The following CDH23 variants were observed in gnomAD, a reference collection of about 807,000 sequenced individuals.
CDH23 encodes cadherin-23.
In CDH23, 189 loss-of-function variants were observed where a neutral mutation model predicts 317.1. That is an observed-to-expected ratio of 0.60 (90% CI 0.53 to 0.67). The LOEUF (loss-of-function observed/expected upper bound fraction) is 0.67, where lower values mean the gene tolerates loss of function less well. Among genes scored for constraint, CDH23 ranks in the 30% least tolerant of loss-of-function variants. The pLI is 0.00. For synonymous variants in CDH23, 1,839 were observed against 1,876.8 expected (o/e 0.98, Z 0.52); for missense variants, 4,401 against 4,592.4 (o/e 0.96, Z 1.20).
intron 20 of CDH23, 74 bp downstream of exon 20, chr10:71,690,658 A>T (rs985950804): frequency 1.7e-5 from 18 of 1,035,628 alleles, no homozygotes; most frequent in Non-Finnish European, 2.7e-5. Context: ...CCCCAGGACC[A>T]GCCTCTGGGC....
chr10:71,460,628 A>G (rs1024631209), intron 3 of CDH23, among the ~76,000 whole-genome samples: 6 of 152,224 alleles, frequency 3.9e-5, no homozygotes, highest in African/African-American at 1.2e-4. Flanking sequence ...TTTGTCTCCC[A>G]CACTCTGGAG....
At chr10:71,653,832 A>G (rs1863292427) in intron 14 of CDH23, among the ~76,000 whole-genome samples, 1 of 152,210 alleles carries the variant, frequency 6.6e-6, no homozygotes, top group African/African-American at 2.4e-5. Context: ...CCCACAATGA[A>G]GAGAGACGGG....
chr10:71,774,546 C>G (rs796616651), intron 38 of CDH23, among the ~76,000 whole-genome samples: 8 of 152,354 alleles, frequency 5.3e-5, no homozygotes, highest in African/African-American at 1.9e-4. Context: ...ACAAACCTCT[C>G]TCTGATGTTT....
chr10:71,575,910 A>T (rs1342053497), intron 8 of CDH23, among the ~76,000 whole-genome samples: 5 of 152,232 alleles, frequency 3.3e-5, no homozygotes, highest in Admixed American at 1.3e-4. Flanking sequence ...TCAGGGTTTT[A>T]TTAAAAGTGG....
At position 71,646,607 on chromosome 10, in the gene CDH23, T is replaced by C. The variant is rs767928788; in HGVS notation, c.1439T>C (p.Leu480Pro). The C allele has an allele frequency of 5.6e-6, 9 of 1,613,882 alleles. No individual in the cohort carries two copies. Among genetic ancestry groups the C allele is most frequent in the Admixed American group, 3.3e-5 (2 of 60,006 alleles). ...YENVTVGTSV[L>P]TVLATDNDAG... ...AACGTCACCGTGGGGACCTCTGTGC[T>C]GACAGTCCTGGTGAGTCCCCGCTTC... The change falls in exon 14 of 70, where the codon CTG (leucine) becomes CCG (proline). Residue 480 changes from leucine (L) to proline (P), a missense_variant. Transcript: ENST00000224721.
chr10:71,786,440 C>T (rs1841107426), intron 44 of CDH23, among the ~76,000 whole-genome samples: 1 of 151,228 alleles, frequency 6.6e-6, no homozygotes, highest in Non-Finnish European at 1.5e-5. Flanking sequence ...GCTGGAGAAA[C>T]TCATAAGCTA....
At chr10:71,553,426 C>A (rs1564649077) in intron 6 of CDH23, among the ~76,000 whole-genome samples, 1 of 152,234 alleles carries the variant, frequency 6.6e-6, no homozygotes, top group Non-Finnish European at 1.5e-5. Context: ...TCACATCACA[C>A]CGCCTGAAGG....
At chr10:71,781,476 G>A (rs1840952240) in intron 41 of CDH23, among the ~76,000 whole-genome samples, 1 of 152,208 alleles carries the variant, frequency 6.6e-6, no homozygotes, top group Admixed American at 6.5e-5. Flanking sequence ...ACCTGGTGGA[G>A]AGGCAGGTGC....
At chr10:71,789,338 C>A (rs1841183589) in intron 45 of CDH23, among the ~76,000 whole-genome samples, 1 of 152,172 alleles carries the variant, frequency 6.6e-6, no homozygotes, top group Non-Finnish European at 1.5e-5. Flanking sequence ...TGAGGACTAC[C>A]CCGGAGGGGA....
intron 11 of CDH23, among the ~76,000 whole-genome samples, chr10:71,634,371 C>T (rs572875515): frequency 6.6e-6 from 1 of 152,362 alleles, no homozygotes; most frequent in East Asian, 1.9e-4. Context: ...ACTTACACCC[C>T]ACTTTAGCCC....
At chr10:71,683,663 G>A (rs1347791947) in intron 18 of CDH23, among the ~76,000 whole-genome samples, 1 of 152,190 alleles carries the variant, frequency 6.6e-6, no homozygotes, top group Non-Finnish European at 1.5e-5. Flanking sequence ...CCAGGAGGAT[G>A]AGGCTATACA....
At chr10:71,464,764 T>C (rs933732653) in intron 3 of CDH23, among the ~76,000 whole-genome samples, 1 of 152,188 alleles carries the variant, frequency 6.6e-6, no homozygotes, top group Non-Finnish European at 1.5e-5. Flanking sequence ...CTCTTACTGG[T>C]GGAAGCTAGA....
Position 71,725,167 on chromosome 10 carries a change from A to C in CDH23, c.3431-205A>C, listed in dbSNP as rs12240855. ...TGCAGGCCTTCCCGGAGCAGGTGAA[A>C]CGCATTGGGGATGGCCTGTCTGCCT... is the stretch of plus-strand genomic sequence containing the variant. On this transcript the variant is annotated intron_variant, in intron 29 of 69. Coordinates refer to ENST00000224721, the MANE Select transcript of CDH23 (RefSeq NM_022124.6). Among the ~76,000 whole-genome samples the C allele has an allele frequency of 0.13, 19,495 of 152,168 alleles. 2,409 individuals are homozygous for C. The highest frequency in any genetic ancestry group is 0.3 in the East Asian group (1,536 of 5,156).
intron 1 of CDH23, among the ~76,000 whole-genome samples, chr10:71,407,672 C>G (rs963085729): frequency 1.3e-5 from 2 of 152,340 alleles, no homozygotes; most frequent in South Asian, 4.1e-4. Flanking sequence ...TAGTCCTAAG[C>G]TGACCTTAGC....
At chr10:71,812,459 C>CAA in intron 66 of CDH23, 21 bp from the exon 67 acceptor site, 1 of 1,612,362 alleles carries the variant, frequency 6.2e-7, no homozygotes, top group Non-Finnish European at 8.5e-7. Flanking sequence ...CCTCCCCACC[C>CAA]TTTTCCCTCC....
chr10:71,578,643 G>A (rs187084663), intron 9 of CDH23, among the ~76,000 whole-genome samples: 1 of 152,150 alleles, frequency 6.6e-6, no homozygotes, highest in Admixed American at 6.5e-5. Context: ...CTGTCCCAGG[G>A]CTGGGTGGTT....
intron 38 of CDH23, chr10:71,753,680 C>T: frequency 2.3e-6 from 1 of 443,508 alleles, no homozygotes. Context: ...GATGCAGTGA[C>T]CCCAACTTCC....
At chr10:71,511,040 G>A (rs1485892219) in intron 5 of CDH23, 39 bp downstream of exon 5, 2 of 1,612,884 alleles carry the variant, frequency 1.2e-6, no homozygotes, top group South Asian at 2.2e-5. Context: ...TGTTCCTGGG[G>A]TCACAGGATT....
At chr10:71,592,046 T>G (rs1859528287) in intron 9 of CDH23, among the ~76,000 whole-genome samples, 1 of 152,002 alleles carries the variant, frequency 6.6e-6, no homozygotes. Context: ...AAGGGAAAGA[T>G]GAAGATGAAC....
Sources: allele counts gnomAD v4.1 joint callset (sites outside exome capture counted in the v4.1 genomes callset), GRCh38; gene constraint gnomAD v4.1.1; transcripts MANE v1.5; gene names NCBI Gene and HGNC (gene_info 2026-07-23, HGNC 2026-07-21).